Variants in PLA2G4A observed in about 807,000 individuals in gnomAD.
PLA2G4A encodes the protein phospholipase A2 group IVA, also known as cytosolic phospholipase A2.
Under a neutral mutation model 81.9 loss-of-function variants are expected in PLA2G4A, and 40 were observed. The ratio of observed to expected loss-of-function variants is 0.49; its 90% CI spans 0.38 to 0.64. The LOEUF (loss-of-function observed/expected upper bound fraction) is 0.64. PLA2G4A is among the 30% of genes least tolerant of loss of function. The pLI is 0.00. For synonymous variants in PLA2G4A, 302 were observed against 296.9 expected (o/e 1.02, Z -0.18); for missense variants, 715 against 905.1 (o/e 0.79, Z 2.69).
intron 3 of PLA2G4A, among the ~76,000 whole-genome samples, chr1:186,872,354 G>A (rs184692272): frequency 1.3e-5 from 2 of 152,108 alleles, no homozygotes; most frequent in Non-Finnish European, 2.9e-5. Flanking sequence ...AAGAAAAGGC[G>A]TGCGTTTTAC....
intron 1 of PLA2G4A, among the ~76,000 whole-genome samples, chr1:186,847,135 AT>A (rs1439467295): frequency 2.8e-5 from 2 of 72,682 alleles, no homozygotes; most frequent in South Asian, 6.1e-4. Context: ...ACAATATAAT[AT>A]TTATAGACTA....
intron 2 of PLA2G4A, among the ~76,000 whole-genome samples, chr1:186,863,600 CT>C (rs1652897250): frequency 6.6e-6 from 1 of 152,026 alleles, no homozygotes; most frequent in Non-Finnish European, 1.5e-5. Context: ...TCCTACCTAA[CT>C]TTTTACCCGT....
chr1:186,837,666 G>C (rs1161315782), intron 1 of PLA2G4A, among the ~76,000 whole-genome samples: 3 of 146,574 alleles, frequency 2.0e-5, no homozygotes, highest in Admixed American at 6.9e-5. Context: ...GAACCCAGGA[G>C]GCGGAGCTTG....
chr1:186,927,764 G>C (rs1655601419), intron 7 of PLA2G4A, among the ~76,000 whole-genome samples: 1 of 152,214 alleles, frequency 6.6e-6, no homozygotes, highest in Non-Finnish European at 1.5e-5. Flanking sequence ...GAGAAAGACA[G>C]ATCATCTAGT....
At chr1:186,894,796 T>C (rs532648311) in intron 5 of PLA2G4A, among the ~76,000 whole-genome samples, 1 of 152,340 alleles carries the variant, frequency 6.6e-6, no homozygotes, top group South Asian at 2.1e-4. Flanking sequence ...TAGTTTATTT[T>C]GGAATAATGA....
In PLA2G4A at chr1:186,966,964, AT is replaced by A. The variant is rs1353275383; in HGVS notation, c.1764+1378del. 3.3e-5 allele frequency among the ~76,000 whole-genome samples: 5 copies of A among 152,166 alleles called. No homozygotes were observed. In the East Asian group the frequency reaches 9.6e-4, roughly 29 times the overall value. On this transcript the variant is annotated intron_variant, in intron 15 of 17. Transcript: ENST00000367466. ...ACTGGCCAAAATATGAGTATGTAGG[AT>A]TTTTTTGTAGGTGAATAAATGAAAT... is the stretch of plus-strand genomic sequence containing the variant.
At chr1:186,939,492 GA>G (rs10599543) in intron 9 of PLA2G4A, among the ~76,000 whole-genome samples, 6,096 of 143,040 alleles carry the variant, frequency 0.043, 154 homozygotes, top group South Asian at 0.11. Flanking sequence ...CTTTTCTCTG[GA>G]AAAAAAAAAA....
rs765790419 is a variant in PLA2G4A at position 186,965,426 on chromosome 1, C to A, written c.1597C>A (p.Arg533=). ...AAVADPDEFE[R]IYEPLDVKSK... ...TTTTTAAGATCCTGATGAATTTGAG[C>A]GAATATATGAGCCTCTGGATGTCAA... The change falls in exon 15 of 18, where the codon CGA becomes AGA. Residue 533 remains arginine, a synonymous_variant. Transcript: ENST00000367466. 120 of 1,605,030 alleles carry A rather than the reference C, an allele frequency of 7.5e-5. No individual in the cohort carries two copies. The highest frequency in any genetic ancestry group is 5.1e-6 in the Non-Finnish European group (6 of 1,172,004).
At chr1:186,967,563 C>T (rs1051175711) in intron 15 of PLA2G4A, among the ~76,000 whole-genome samples, 1 of 152,096 alleles carries the variant, frequency 6.6e-6, no homozygotes, top group African/African-American at 2.4e-5. Context: ...CTTTTATTCA[C>T]AAGAGCCACT....
chr1:186,954,354 A>G (rs541109204), intron 13 of PLA2G4A, among the ~76,000 whole-genome samples: 2 of 152,166 alleles, frequency 1.3e-5, no homozygotes, highest in African/African-American at 4.8e-5. Context: ...AAAACCAAAC[A>G]CCACATATTC....
intron 2 of PLA2G4A, among the ~76,000 whole-genome samples, chr1:186,864,710 C>G (rs1652951874): frequency 6.7e-6 from 1 of 149,636 alleles, no homozygotes; most frequent in South Asian, 2.1e-4. Flanking sequence ...TTCTGGATAC[C>G]AGTCCCTATA....
chr1:186,939,252 A>G (rs775225110), intron 9 of PLA2G4A, 22 bp downstream of exon 9: 2 of 1,058,920 alleles, frequency 1.9e-6, no homozygotes, highest in Non-Finnish European at 3.0e-6. Context: ...TTCAATCTAC[A>G]CTGCTTTTAT....
intron 8 of PLA2G4A, among the ~76,000 whole-genome samples, chr1:186,934,447 T>TATATATATATATATATATATATAC: frequency 1.2e-5 from 1 of 85,330 alleles, no homozygotes; most frequent in South Asian, 3.6e-4. Context: ...TGTGCACATA[T>TATATATATATATATATATATATAC]ATATATATAT....
At chr1:186,844,534 T>C (rs1652101468) in intron 1 of PLA2G4A, among the ~76,000 whole-genome samples, 1 of 152,218 alleles carries the variant, frequency 6.6e-6, no homozygotes, top group South Asian at 2.1e-4. Context: ...AAAATGTTAA[T>C]GGATCAAAAA....
intron 10 of PLA2G4A, among the ~76,000 whole-genome samples, chr1:186,940,868 G>A (rs1366096848): frequency 6.6e-6 from 1 of 152,148 alleles, no homozygotes; most frequent in Non-Finnish European, 1.5e-5. Context: ...TTATAATTCA[G>A]CACCTAAAAA....
chr1:186,862,041 T>A (rs546058677), intron 2 of PLA2G4A, among the ~76,000 whole-genome samples: 1 of 150,322 alleles, frequency 6.7e-6, no homozygotes, highest in South Asian at 2.1e-4. Flanking sequence ...ATAATAAAAA[T>A]ATTGAAAACT....
intron 2 of PLA2G4A, among the ~76,000 whole-genome samples, chr1:186,856,942 ATGGT>A (rs1316305340): frequency 2.0e-5 from 3 of 149,236 alleles, no homozygotes; most frequent in Non-Finnish European, 4.4e-5. Flanking sequence ...GAAGTTCAGT[ATGGT>A]TGGAACACAA....
At chr1:186,848,179 CA>C (rs1317185688) in intron 1 of PLA2G4A, among the ~76,000 whole-genome samples, 2 of 152,008 alleles carry the variant, frequency 1.3e-5, no homozygotes, top group Non-Finnish European at 2.9e-5. Context: ...GAAGAAATCT[CA>C]AAAACAGAGA....
chr1:186,932,586 C>T lies in PLA2G4A; in HGVS notation c.559-177C>T, dbSNP rs868825328. 2.6e-5 allele frequency among the ~76,000 whole-genome samples: 4 copies of T among 152,180 alleles called. No individual in the cohort carries two copies. In the South Asian group the frequency reaches 8.3e-4, roughly 32 times the overall value. On this transcript the variant is annotated intron_variant, in intron 7 of 17. Coordinates refer to ENST00000367466, the MANE Select transcript of PLA2G4A (RefSeq NM_024420.3). ...AAAGTGCTGGAATTACAGATGTGAG[C>T]CACTGCACCCGGCCTTATTTTCTTC...
Sources: allele counts gnomAD v4.1 joint callset (sites outside exome capture counted in the v4.1 genomes callset), GRCh38; gene constraint gnomAD v4.1.1; transcripts MANE v1.5; gene names NCBI Gene and HGNC (gene_info 2026-07-23, HGNC 2026-07-21).